Variants in VSIG10L observed in about 807,000 individuals in gnomAD.
The protein encoded by VSIG10L is V-set and immunoglobulin domain-containing protein 10-like.
VSIG10L carries 63 observed loss-of-function variants against 67.3 expected under a neutral mutation model. That is an observed-to-expected ratio of 0.94 (90% CI 0.76 to 1.15). VSIG10L has a LOEUF of 1.15. Among genes scored for constraint, VSIG10L ranks in the 50% most tolerant of loss-of-function variants. The probability of loss-of-function intolerance (pLI) is 0.00; values close to 1 mark genes in which losing one functional copy is unlikely to be tolerated. For missense variants in VSIG10L, 1,050 were observed against 1,177.5 expected (o/e 0.89, Z 1.58); for synonymous variants, 499 against 524.9 (o/e 0.95, Z 0.67).
At chr19:51,338,253 T>C (rs2123554794) in intron 5 of VSIG10L, 45 bp from the exon 6 acceptor site, 4 of 1,444,510 alleles carry the variant, frequency 2.8e-6, no homozygotes, top group East Asian at 2.5e-5. Flanking sequence ...GACCTTACCT[T>C]GGATTCAAAG....
rs1471546149 is a variant in VSIG10L at position 51,340,014 on chromosome 19, C to T, written c.1474+1G>A. On this transcript the variant is annotated splice_donor_variant, in intron 4 of 9. Coordinates refer to ENST00000335624, the MANE Select transcript of VSIG10L (RefSeq NM_001163922.3). LOFTEE classifies it high-confidence loss of function. The surrounding 1 kb of genome is among the most constrained non-coding windows in gnomAD (Gnocchi z 6.3). ...CCCCTACTCCCGCTCCAGCCTCTCA[C>T]CCGCCACTGTAAGGTTGAGCAGCGA... The T allele has an allele frequency of 3.5e-6, 5 of 1,413,256 alleles. No homozygotes were observed. The East Asian group carries it at 9.1e-5, about 26-fold the overall frequency. 87.5% of individuals were successfully genotyped at this position (1,413,256 alleles called of 1,614,324 possible).
At chr19:51,335,592 G>A (rs1012790155) in intron 7 of VSIG10L, among the ~76,000 whole-genome samples, 2 of 152,144 alleles carry the variant, frequency 1.3e-5, no homozygotes, top group Non-Finnish European at 2.9e-5. Flanking sequence ...ATCTGTTTTG[G>A]GCATATGACA....
intron 7 of VSIG10L, among the ~76,000 whole-genome samples, chr19:51,334,915 G>A (rs573492142): frequency 6.6e-6 from 1 of 152,230 alleles, no homozygotes; most frequent in South Asian, 2.1e-4. Flanking sequence ...CTCCAGCCTG[G>A]GCATCAAAGT....
In VSIG10L at chr19:51,332,053, T is replaced by C. The variant is rs1985372036; in HGVS notation, c.*558A>G. The C allele has an allele frequency of 6.3e-6, 1 of 157,680 alleles. No individual in the cohort carries two copies. The highest frequency in any genetic ancestry group is 1.4e-5 in the Non-Finnish European group (1 of 71,328). The allele number at this position is 157,680 out of a possible 1,614,324, so 9.8% of individuals were successfully genotyped here. ...CTGGAGTCCGGGGGCAGAGAAAGAATTGGGAGGGGAGGTCAGGGAGGCCAA... is the reference window on the plus strand; with the variant it reads ...CTGGAGTCCGGGGGCAGAGAAAGAACTGGGAGGGGAGGTCAGGGAGGCCAA... On this transcript the variant is annotated 3_prime_UTR_variant, in exon 10 of 10. Coordinates refer to ENST00000335624, the MANE Select transcript of VSIG10L (RefSeq NM_001163922.3).
Position 51,332,026 on chromosome 19 carries a change from T to C in VSIG10L, c.*585A>G, listed in dbSNP as rs1985370882. 1 of 157,674 alleles carries C rather than the reference T, an allele frequency of 6.3e-6. No homozygotes were observed. 9.8% of individuals were successfully genotyped at this position (157,674 alleles called of 1,614,324 possible). On this transcript the variant is annotated 3_prime_UTR_variant, in exon 10 of 10. Coordinates refer to ENST00000335624, the MANE Select transcript of VSIG10L (RefSeq NM_001163922.3). ...ATTGTGGCTGAGAGACAGACTGTGA[T>C]ACTGGAGTCCGGGGGCAGAGAAAGA...
rs1379812689 is a variant in VSIG10L at position 51,341,200 on chromosome 19, C to T, written c.848G>A (p.Arg283Gln). ...GTGAGTCTGCTGGGAGACCCCTGCCCGGATGACCTCAGCCGTGTAGACCCC... is the reference window on the plus strand; with the variant it reads ...GTGAGTCTGCTGGGAGACCCCTGCCTGGATGACCTCAGCCGTGTAGACCCC... Reference protein sequence around the residue: ...DAGVYTAEVIRAGVSQQTHEF... With the variant: ...DAGVYTAEVIQAGVSQQTHEF... The change falls in exon 2 of 10, where the codon CGG becomes CAG. Residue 283 changes from arginine (R) to glutamine (Q), a missense_variant. Around this residue, in one of 3 missense-constraint regions of VSIG10L, gnomAD observed 511 missense variants for 557.9 expected, o/e 0.92. Coordinates refer to ENST00000335624, the MANE Select transcript of VSIG10L (RefSeq NM_001163922.3). 1.9e-6 allele frequency: 3 copies of T among 1,544,574 alleles called. No homozygotes were observed. The highest frequency in any genetic ancestry group is 1.4e-5 in the African/African-American group (1 of 72,630).
rs940395533 is a variant in VSIG10L, at chr19:51,340,713, C to T, written c.909G>A (p.Gln303=). The change falls in exon 3 of 10, where the codon CAG becomes CAA. Residue 303 remains glutamine (Q), a synonymous_variant. Transcript: ENST00000335624. The surrounding 1 kb of genome is among the most constrained non-coding windows in gnomAD (Gnocchi z 6.3). ...CTGGAGCCTTGGGCTGAACCGACAG[C>T]TGGGGTAGGGGCTCTGGGAGAGGGA... ...FTVGVYEPLP[Q]LSVQPKAPET... is the part of the protein sequence containing the mutation. The T allele has an allele frequency of 2.4e-5, 36 of 1,504,050 alleles. No individual in the cohort carries two copies. The highest frequency in any genetic ancestry group is 2.9e-5 in the Non-Finnish European group (33 of 1,129,252). 93.2% of individuals were successfully genotyped at this position (1,504,050 alleles called of 1,614,324 possible). A position where few individuals can be genotyped will look rare whatever the true frequency, so the allele number is the denominator to read the frequency against.
chr19:51,341,829 A>C lies in VSIG10L; in HGVS notation c.219T>G (p.Ala73=). The change falls in exon 2 of 10, where the codon GCT becomes GCG. Residue 73 remains alanine (A), a synonymous_variant. Coordinates refer to ENST00000335624, the MANE Select transcript of VSIG10L (RefSeq NM_001163922.3). The part of the protein sequence containing the change: ...PDQFLDSKAS[A]GISDSSWFPE... The stretch of plus-strand genomic sequence containing the variant: ...GAAACCAGCTGGAATCAGAGATTCC[A>C]GCAGAGGCTTTTGAATCCAGGAACT... The C allele has an allele frequency of 6.4e-7, 1 of 1,551,692 alleles. No homozygotes were observed. The highest frequency in any genetic ancestry group is 2.4e-5 in the East Asian group (1 of 40,918).
At chr19:51,334,955 CAAACAAA>C (rs888378472) in intron 7 of VSIG10L, among the ~76,000 whole-genome samples, 4 of 151,934 alleles carry the variant, frequency 2.6e-5, no homozygotes, top group East Asian at 1.9e-4. Context: ...AGAAAACAAA[CAAACAAA>C]AAACAAAAAA....
rs1209898178 is a variant in VSIG10L, at chr19:51,340,595, G to A, written c.1027C>T (p.Leu343=). ...ELSWSRDGRA[L]EAAESEGAET... is the part of the protein sequence containing the mutation. Reference sequence around the variant, plus strand: ...GCTCCCTCCGATTCCGCCGCCTCCAGGGCGCGTCCGTCCCGGCTCCAGCTC... The same window carrying A: ...GCTCCCTCCGATTCCGCCGCCTCCAAGGCGCGTCCGTCCCGGCTCCAGCTC... The change falls in exon 3 of 10, where the codon CTG becomes TTG. Residue 343 remains leucine, a synonymous_variant. Coordinates refer to ENST00000335624, the MANE Select transcript of VSIG10L (RefSeq NM_001163922.3). The surrounding 1 kb of genome is among the most constrained non-coding windows in gnomAD (Gnocchi z 6.3). 6 of 1,535,408 alleles carry A rather than the reference G, an allele frequency of 3.9e-6. No homozygotes were observed. In the East Asian group the frequency reaches 1.5e-4, roughly 38 times the overall value.
At chr19:51,332,997 GTGCCACCA>G (rs1052133648) in intron 9 of VSIG10L, among the ~76,000 whole-genome samples, 1 of 152,026 alleles carries the variant, frequency 6.6e-6, no homozygotes, top group African/African-American at 2.4e-5. Flanking sequence ...CTACAGGTAC[GTGCCACCA>G]TGCCCGACTA....
At position 51,335,754 on chromosome 19, in the gene VSIG10L, C is replaced by CA. The variant is rs544644758; in HGVS notation, c.2306-1451dup. Among the ~76,000 whole-genome samples, 615 of 151,746 alleles carry CA rather than the reference C, an allele frequency of 4.1e-3. 5 individuals are homozygous for CA. The highest frequency in any genetic ancestry group is 0.014 in the African/African-American group (569 of 41,348). ...CAAAATCCTGTCTCTGCTAAAAATT[C>CA]AAAAAAAATTAGCTGGGCGTGGTGG... On this transcript the variant is annotated intron_variant, in intron 7 of 9. Transcript: ENST00000335624.
intron 8 of VSIG10L, 72 bp from the exon 9 acceptor site, chr19:51,334,017 A>C: frequency 6.5e-7 from 1 of 1,538,428 alleles, no homozygotes; most frequent in Non-Finnish European, 8.8e-7. Context: ...GCCAATAGCA[A>C]GGGAAGCTGG....
rs1014781902 is a variant in VSIG10L, at chr19:51,340,273, C to T, written c.1216G>A (p.Val406Ile). 6.6e-7 allele frequency: 1 copy of T among 1,519,102 alleles called. No homozygotes were observed. The highest frequency in any genetic ancestry group is 2.6e-5 in the East Asian group (1 of 38,626). 94.1% of individuals were successfully genotyped at this position (1,519,102 alleles called of 1,614,324 possible). A position where few individuals can be genotyped will look rare whatever the true frequency, so the allele number is the denominator to read the frequency against. Residue 406 changes from valine (V) to isoleucine (I), a missense_variant, in exon 4 of 10, where the codon GTC becomes ATC. Val to Ile is a conservative substitution (Grantham distance 29). Around this residue, in one of 3 missense-constraint regions of VSIG10L, gnomAD observed 511 missense variants for 557.9 expected, o/e 0.92. Coordinates refer to ENST00000335624, the MANE Select transcript of VSIG10L (RefSeq NM_001163922.3). This position sits in a 1 kb window ranked among gnomAD's most constrained non-coding sequence, Gnocchi z 6.3. The part of the protein sequence containing the change: ...FYGPDPPTIT[V>I]SSDRDAAPAR... ...GGCGCGGCGTCGCGGTCCGAGGAGA[C>T]CGTGATGGTCGGCGGGTCCGGGCCG... is the stretch of plus-strand genomic sequence containing the variant.
At position 51,332,323 on chromosome 19, in the gene VSIG10L, G is replaced by A. The variant is rs1413647358; in HGVS notation, c.*288C>T. ...CAGAGCAACACAGCAAGCCCTGCCT[G>A]TCTGCTGCAGAGGCTTGGAGGTTGT... On this transcript the variant is annotated 3_prime_UTR_variant, in exon 10 of 10. Coordinates refer to ENST00000335624, the MANE Select transcript of VSIG10L (RefSeq NM_001163922.3). 2.0e-6 allele frequency: 1 copy of A among 497,078 alleles called. No individual in the cohort carries two copies. Among genetic ancestry groups the A allele is most frequent in the African/African-American group, 1.9e-5 (1 of 51,426 alleles). 30.8% of individuals were successfully genotyped at this position (497,078 alleles called of 1,614,324 possible). A position where few individuals can be genotyped will look rare whatever the true frequency, so the allele number is the denominator to read the frequency against.
Position 51,337,422 on chromosome 19 carries a change from A to G in VSIG10L, c.2121T>C (p.Asp707=). ...ISSFEIQAWP[D]GPALGRTSTY... is the part of the protein sequence containing the mutation. ...TGGAAGTCCTGCCCAGAGCAGGCCC[A>G]TCTGGCCATGCCTGGATCTCAAAAC... Residue 707 remains aspartate, a synonymous_variant, in exon 7 of 10, where the codon GAT becomes GAC. Transcript: ENST00000335624. The G allele has an allele frequency of 6.4e-7, 1 of 1,551,708 alleles. No individual in the cohort carries two copies. The highest frequency in any genetic ancestry group is 8.7e-7 in the Non-Finnish European group (1 of 1,146,976).
rs926176561 is a variant in VSIG10L, at chr19:51,332,443, G to A, written c.*168C>T. On this transcript the variant is annotated 3_prime_UTR_variant, in exon 10 of 10. Transcript: ENST00000335624. Reference sequence around the variant, plus strand: ...CAGGAAGACTCTTCTTCTGCAGCAAGAGAGGGAGACAGAAAGTCCCACTTT... The same window carrying A: ...CAGGAAGACTCTTCTTCTGCAGCAAAAGAGGGAGACAGAAAGTCCCACTTT... The A allele has an allele frequency of 9.1e-6, 7 of 766,954 alleles. No homozygotes were observed. Among genetic ancestry groups the A allele is most frequent in the African/African-American group, 1.7e-5 (1 of 57,990 alleles). The allele number at this position is 766,954 out of a possible 1,614,324, so 47.5% of individuals were successfully genotyped here.
At position 51,339,086 on chromosome 19, in the gene VSIG10L, G is replaced by A; in HGVS notation, c.1531C>T (p.Leu511Phe). ...SVEGGPGDRS[L>F]RFRCSWPGGA... The stretch of plus-strand genomic sequence containing the variant: ...CCGGGCCACGAGCAGCGGAAGCGGA[G>A]GCTGCGGTCCCCGGGACCCCCTTCA... Residue 511 changes from leucine (L) to phenylalanine (F), a missense_variant, in exon 5 of 10, where the codon CTC becomes TTC. Around this residue, in one of 3 missense-constraint regions of VSIG10L, gnomAD observed 529 missense variants for 584.9 expected, o/e 0.90. Coordinates refer to ENST00000335624, the MANE Select transcript of VSIG10L (RefSeq NM_001163922.3). 7.5e-7 allele frequency: 1 copy of A among 1,341,540 alleles called. No individual in the cohort carries two copies. 83.1% of individuals were successfully genotyped at this position (1,341,540 alleles called of 1,614,324 possible).
rs1985509281 is a variant in VSIG10L at position 51,337,384 on chromosome 19, C to T, written c.2159G>A (p.Trp720Ter). The T allele has an allele frequency of 6.4e-7, 1 of 1,551,608 alleles. No individual in the cohort carries two copies. The highest frequency in any genetic ancestry group is 8.7e-7 in the Non-Finnish European group (1 of 1,147,008). Residue 720 changes from tryptophan (W) to a stop codon, truncating the protein, a stop_gained, in exon 7 of 10, where the codon TGG becomes TAG. Transcript: ENST00000335624. LOFTEE classifies it high-confidence loss of function. The stretch of plus-strand genomic sequence containing the variant: ...AGGCCCCAGGATGAGCAGGGAGACC[C>T]AGTCCCTGTAGGTGGAAGTCCTGCC... ...ALGRTSTYRDWVSLLILGPQE... is the reference protein window; with the variant it reads ...ALGRTSTYRD
Sources: allele counts gnomAD v4.1 joint callset (sites outside exome capture counted in the v4.1 genomes callset), GRCh38; gene constraint gnomAD v4.1.1; regional missense constraint gnomAD v4.1.1; non-coding constraint Gnocchi (gnomAD v3.1); transcripts MANE v1.5; gene names NCBI Gene and HGNC (gene_info 2026-07-23, HGNC 2026-07-21).